The following FOXP1 variants were observed in gnomAD, a reference collection of about 807,000 sequenced individuals.
FOXP1 encodes forkhead box P1, also known as forkhead box protein P1.
FOXP1 carries 15 observed loss-of-function variants against 98.2 expected under a neutral mutation model. That is an observed-to-expected ratio of 0.15 (90% CI 0.10 to 0.24). FOXP1 has a LOEUF of 0.24. FOXP1 is among the 10% of genes least tolerant of loss of function. FOXP1 has a pLI of 1.00. For missense variants in FOXP1, 633 were observed against 848.5 expected (o/e 0.75, Z 3.15); for synonymous variants, 371 against 314.5 (o/e 1.18, Z -1.90).
intron 5 of FOXP1, among the ~76,000 whole-genome samples, chr3:71,217,913 T>A (rs1330559774): frequency 6.6e-6 from 1 of 152,200 alleles, no homozygotes; most frequent in Non-Finnish European, 1.5e-5. Context: ...CATAAAATCA[T>A]CTTCTCAACC....
At chr3:71,134,714 A>T (rs2059734746) in intron 6 of FOXP1, among the ~76,000 whole-genome samples, 1 of 152,214 alleles carries the variant, frequency 6.6e-6, no homozygotes, top group South Asian at 2.1e-4. Context: ...TGCTCTGCCA[A>T]GTTATGCTGT....
intron 3 of FOXP1, among the ~76,000 whole-genome samples, chr3:71,440,063 T>A (rs976062892): frequency 6.6e-6 from 1 of 152,080 alleles, no homozygotes; most frequent in African/African-American, 2.4e-5. Flanking sequence ...ACTATATGAT[T>A]CCATTTATAT....
chr3:71,175,794 A>C (rs2061907735), intron 6 of FOXP1, among the ~76,000 whole-genome samples: 1 of 152,186 alleles, frequency 6.6e-6, no homozygotes, highest in Non-Finnish European at 1.5e-5. Flanking sequence ...CTCCTACCCT[A>C]AGTCCCATCA....
chr3:71,472,987 A>C (rs745874108), intron 3 of FOXP1, among the ~76,000 whole-genome samples: 7 of 152,192 alleles, frequency 4.6e-5, no homozygotes, highest in Admixed American at 2.0e-4. Context: ...AGTATGGCAA[A>C]ATAACTTATG....
At chr3:71,303,917 A>C (rs1157586675) in intron 4 of FOXP1, among the ~76,000 whole-genome samples, 1 of 152,206 alleles carries the variant, frequency 6.6e-6, no homozygotes, top group African/African-American at 2.4e-5. Flanking sequence ...GGGGTCTCTG[A>C]GACCAGAGGC....
intron 6 of FOXP1, among the ~76,000 whole-genome samples, chr3:71,128,570 A>C (rs1372576315): frequency 6.6e-6 from 1 of 152,194 alleles, no homozygotes; most frequent in Non-Finnish European, 1.5e-5. Flanking sequence ...AGCCACAGAC[A>C]CTATGGTATA....
chr3:71,385,461 A>G (rs931981603), intron 3 of FOXP1, among the ~76,000 whole-genome samples: 3 of 152,164 alleles, frequency 2.0e-5, no homozygotes, highest in Non-Finnish European at 4.4e-5. Flanking sequence ...AGCAGCAGGG[A>G]GCAGAACCTG....
chr3:71,550,733 G>A (rs989345650), intron 2 of FOXP1, among the ~76,000 whole-genome samples: 1 of 152,148 alleles, frequency 6.6e-6, no homozygotes, highest in Admixed American at 6.5e-5. Context: ...CTTAAGATCA[G>A]TCCATTAGAC....
chr3:71,298,232 C>T (rs983745189), intron 5 of FOXP1, among the ~76,000 whole-genome samples: 5 of 151,992 alleles, frequency 3.3e-5, no homozygotes, highest in African/African-American at 9.7e-5. Context: ...TTTGGGAGGC[C>T]GAGGTGGGCG....
intron 12 of FOXP1, among the ~76,000 whole-genome samples, chr3:71,011,789 C>A (rs2043682148): frequency 6.6e-6 from 1 of 152,138 alleles, no homozygotes; most frequent in South Asian, 2.1e-4. Flanking sequence ...CATGTCGTGT[C>A]ATGTGCAAAA....
At chr3:71,479,304 G>C (rs2090091831) in intron 3 of FOXP1, among the ~76,000 whole-genome samples, 1 of 152,200 alleles carries the variant, frequency 6.6e-6, no homozygotes. Flanking sequence ...CAGCTTCTCA[G>C]ATTTAGAATT....
chr3:71,506,707 T>C (rs1351094614), intron 2 of FOXP1, among the ~76,000 whole-genome samples: 1 of 151,206 alleles, frequency 6.6e-6, no homozygotes, highest in Non-Finnish European at 1.5e-5. Flanking sequence ...GCTACCACGT[T>C]TGCCCTTGAC....
intron 6 of FOXP1, among the ~76,000 whole-genome samples, chr3:71,155,598 T>C (rs938841296): frequency 6.6e-6 from 1 of 152,180 alleles, no homozygotes; most frequent in Non-Finnish European, 1.5e-5. Context: ...CCACTCATGC[T>C]AAACAGCACT....
At chr3:71,136,583 T>G (rs901288487) in intron 6 of FOXP1, among the ~76,000 whole-genome samples, 1 of 152,202 alleles carries the variant, frequency 6.6e-6, no homozygotes, top group Non-Finnish European at 1.5e-5. Context: ...CACATAAAAA[T>G]ATGTACCATT....
intron 2 of FOXP1, among the ~76,000 whole-genome samples, chr3:71,536,739 T>A (rs1220907627): frequency 6.6e-6 from 1 of 151,970 alleles, no homozygotes; most frequent in Non-Finnish European, 1.5e-5. Context: ...GTGGGAAAGG[T>A]TCCATAGTAT....
chr3:71,195,051 T>TG (rs1226704320), intron 6 of FOXP1, among the ~76,000 whole-genome samples: 1 of 152,202 alleles, frequency 6.6e-6, no homozygotes, highest in African/African-American at 2.4e-5. Context: ...GAGGGCTCCC[T>TG]GTCTTCAATA....
At position 71,198,353 on chromosome 3, in the gene FOXP1, T is replaced by C. The variant is rs1476826805; in HGVS notation, c.29A>G (p.Lys10Arg). MMQESGTET[K>R]SNGSAIQNGS... ...ATTCTGGATGGCTGAACCGTTACTT[T>C]TTGTCTCAGTCCCAGATTCTTGCAT... The change falls in exon 6 of 21, where the codon AAA becomes AGA. Residue 10 changes from lysine to arginine, a missense_variant. Coordinates refer to ENST00000649528, the MANE Select transcript of FOXP1 (RefSeq NM_001349338.3). The C allele has an allele frequency of 6.8e-6, 11 of 1,611,372 alleles. No homozygotes were observed. Among genetic ancestry groups the C allele is most frequent in the Admixed American group, 1.7e-5 (1 of 59,882 alleles).
intron 3 of FOXP1, among the ~76,000 whole-genome samples, chr3:71,488,478 G>A (rs567485243): frequency 6.6e-6 from 1 of 152,220 alleles, no homozygotes; most frequent in South Asian, 2.1e-4. Flanking sequence ...GGGCAGGAAG[G>A]GATGGACACT....
rs2032100579 is a variant in FOXP1, at chr3:70,957,473, G to A, written c.*1774C>T. ...AGGATATTTGGCTTCATCAGATAAAGCATAAAACAGAGAACATAATTTACC... is the reference window on the plus strand; with the variant it reads ...AGGATATTTGGCTTCATCAGATAAAACATAAAACAGAGAACATAATTTACC... On this transcript the variant is annotated 3_prime_UTR_variant, in exon 21 of 21. Coordinates refer to ENST00000649528, the MANE Select transcript of FOXP1 (RefSeq NM_001349338.3). 1 of 230,022 alleles carries A rather than the reference G, an allele frequency of 4.3e-6. No individual in the cohort carries two copies. The highest frequency in any genetic ancestry group is 8.6e-6 in the Non-Finnish European group (1 of 115,984). The allele number at this position is 230,022 out of a possible 1,614,324, so 14.2% of individuals were successfully genotyped here. A position where few individuals can be genotyped will look rare whatever the true frequency, so the allele number is the denominator to read the frequency against.
Sources: gnomAD v4.1 joint callset for allele counts (sites outside exome capture counted in the v4.1 genomes callset) on GRCh38, gnomAD v4.1.1 for gene constraint, MANE v1.5 for transcripts, NCBI Gene and HGNC (gene_info 2026-07-23, HGNC 2026-07-21) for gene names.